The following PPP4R3B variants were observed in gnomAD, a reference collection of about 807,000 sequenced individuals.
PPP4R3B encodes serine/threonine-protein phosphatase 4 regulatory subunit 3B.
Under a neutral mutation model 95.4 loss-of-function variants are expected in PPP4R3B, and 52 were observed. The ratio of observed to expected loss-of-function variants is 0.54; its 90% CI spans 0.44 to 0.69. The LOEUF (loss-of-function observed/expected upper bound fraction) is 0.69. PPP4R3B is among the 30% of genes least tolerant of loss of function. PPP4R3B has a pLI of 0.00. For missense variants in PPP4R3B, 1,003 were observed against 1,005.9 expected (o/e 1.00, Z 0.04); for synonymous variants, 407 against 343.9 (o/e 1.18, Z -2.03).
At chr2:55,608,545 T>G (rs1205552786) in intron 2 of PPP4R3B, among the ~76,000 whole-genome samples, 1 of 152,162 alleles carries the variant, frequency 6.6e-6, no homozygotes, top group Non-Finnish European at 1.5e-5. Context: ...CTCAATCCAA[T>G]CCAACATTAT....
chr2:55,613,522 A>G (rs1179796756), intron 2 of PPP4R3B, among the ~76,000 whole-genome samples: 3 of 152,160 alleles, frequency 2.0e-5, no homozygotes, highest in African/African-American at 7.2e-5. Flanking sequence ...ATCTAGAACT[A>G]ATTTTCTAGT....
At chr2:55,609,187 A>G (rs568934879) in intron 2 of PPP4R3B, among the ~76,000 whole-genome samples, 1 of 151,260 alleles carries the variant, frequency 6.6e-6, no homozygotes, top group East Asian at 1.9e-4. Flanking sequence ...TTTTTTTTTT[A>G]AAAGGCTGGA....
rs1228046928 is a variant in PPP4R3B at position 55,549,939 on chromosome 2, G to A, written c.2522C>T (p.Pro841Leu). 2 of 1,613,366 alleles carry A rather than the reference G, an allele frequency of 1.2e-6. No homozygotes were observed. Among genetic ancestry groups the A allele is most frequent in the East Asian group, 4.5e-5 (2 of 44,822 alleles). Residue 841 changes from proline to leucine, a missense_variant, in exon 17 of 17, where the codon CCC becomes CTC. Transcript: ENST00000616407. ...TGAGCCAAGACGAGGTCTTTTCCTGGGGGACGATTCTTCTTCTTCATCTTC... is the reference window on the plus strand; with the variant it reads ...TGAGCCAAGACGAGGTCTTTTCCTGAGGGACGATTCTTCTTCTTCATCTTC... ...EEEDEEEESSPRKRPRLGS is the reference protein window; with the variant it reads ...EEEDEEEESSLRKRPRLGS
At chr2:55,583,204 CAGTAT>C (rs1243009952) in intron 7 of PPP4R3B, among the ~76,000 whole-genome samples, 1 of 152,006 alleles carries the variant, frequency 6.6e-6, no homozygotes, top group Non-Finnish European at 1.5e-5. Context: ...ACCACCAGCC[CAGTAT>C]GGAATTCAGC....
chr2:55,615,857 C>CAAAAAAAAAAAAA lies in PPP4R3B; in HGVS notation c.143-364_143-352dup, dbSNP rs58981030. ...TGGCAACAGAGCAAGACTCTGTCTC[C>CAAAAAAAAAAAAA]AAAAAAAAAAAAAAAAAAAAAAAAA... On this transcript the variant is annotated intron_variant, in intron 1 of 16. Coordinates refer to ENST00000616407, the MANE Select transcript of PPP4R3B (RefSeq NM_001122964.3). 1.8e-4 allele frequency among the ~76,000 whole-genome samples: 7 copies of CAAAAAAAAAAAAA among 39,064 alleles called. 1 individual carries two copies. The highest frequency in any genetic ancestry group is 1.3e-3 in the African/African-American group (7 of 5,530). 25.6% of individuals were successfully genotyped at this position (39,064 alleles called of 152,430 possible). A position where few individuals can be genotyped will look rare whatever the true frequency, so the allele number is the denominator to read the frequency against.
chr2:55,574,795 C>G (rs941135268), intron 11 of PPP4R3B, among the ~76,000 whole-genome samples: 1 of 151,376 alleles, frequency 6.6e-6, no homozygotes, highest in Admixed American at 6.6e-5. Context: ...GAGGTTTCAC[C>G]GTGTTAGCCA....
chr2:55,578,697 T>C (rs1272116494), intron 9 of PPP4R3B, among the ~76,000 whole-genome samples: 1 of 152,060 alleles, frequency 6.6e-6, no homozygotes, highest in East Asian at 1.9e-4. Context: ...TGCACAAACA[T>C]TCCCTAGAGT....
intron 16 of PPP4R3B, among the ~76,000 whole-genome samples, chr2:55,553,660 C>T (rs943563971): frequency 1.3e-5 from 2 of 152,014 alleles, no homozygotes; most frequent in African/African-American, 4.8e-5. Context: ...TTTGTTTCTG[C>T]GGATTTGCTT....
In PPP4R3B at chr2:55,549,663, C is replaced by A; in HGVS notation, c.*248G>T. 1 of 429,380 alleles carries A rather than the reference C, an allele frequency of 2.3e-6. No individual in the cohort carries two copies. The highest frequency in any genetic ancestry group is 2.1e-5 in the African/African-American group (1 of 47,944). The allele number at this position is 429,380 out of a possible 1,614,324, so 26.6% of individuals were successfully genotyped here. ...TTTTCCTTGCTGAGAAGCTGTCTCC[C>A]AGGTTCTGGTTACTAATGTTTGTTT... On this transcript the variant is annotated 3_prime_UTR_variant, in exon 17 of 17. Transcript: ENST00000616407.
At chr2:55,573,843 T>A in intron 11 of PPP4R3B, 66 bp from the exon 12 acceptor site, 1 of 1,060,636 alleles carries the variant, frequency 9.4e-7, no homozygotes, top group Non-Finnish European at 1.3e-6. Flanking sequence ...TAAATAAAGC[T>A]TACATCCTAT....
At position 55,617,586 on chromosome 2, in the gene PPP4R3B, G is replaced by C. The variant is rs919115244; in HGVS notation, c.-301C>G. On this transcript the variant is annotated 5_prime_UTR_variant, in exon 1 of 17. Transcript: ENST00000616407. ...CCGCCGCGGTAACTACTACAGATCC[G>C]CCATCTTGTAACCCGACTCTCTCTG... is the stretch of plus-strand genomic sequence containing the variant. 6.9e-6 allele frequency: 2 copies of C among 290,298 alleles called. No homozygotes were observed. The highest frequency in any genetic ancestry group is 2.2e-5 in the African/African-American group (1 of 46,094). The allele number at this position is 290,298 out of a possible 1,614,324, so 18.0% of individuals were successfully genotyped here.
chr2:55,569,810 C>T (rs1345471507), intron 12 of PPP4R3B, among the ~76,000 whole-genome samples: 2 of 152,142 alleles, frequency 1.3e-5, no homozygotes, highest in African/African-American at 4.8e-5. Flanking sequence ...ATCTCTTTGT[C>T]TTGTGTCTTT....
At chr2:55,592,479 A>T (rs1347436925) in intron 4 of PPP4R3B, among the ~76,000 whole-genome samples, 1 of 152,202 alleles carries the variant, frequency 6.6e-6, no homozygotes, top group African/African-American at 2.4e-5. Context: ...TTGAATCCAA[A>T]GAAAAATCCT....
intron 3 of PPP4R3B, among the ~76,000 whole-genome samples, chr2:55,603,562 A>G (rs1692955212): frequency 6.6e-6 from 1 of 152,234 alleles, no homozygotes; most frequent in Non-Finnish European, 1.5e-5. Context: ...GCTACACTCT[A>G]AGTTCCACAT....
At position 55,579,760 on chromosome 2, in the gene PPP4R3B, G is replaced by A; in HGVS notation, c.1387C>T (p.Leu463=). 6.2e-7 allele frequency: 1 copy of A among 1,605,004 alleles called. No individual in the cohort carries two copies. Among genetic ancestry groups the A allele is most frequent in the South Asian group, 1.1e-5 (1 of 89,244 alleles). ...ATACAATGGTTGTAGAAAAAATTTA[G>A]AAATTCACTTTTTTCGGTTTTCTGA... ...TTNKTEKSEF[L]NFFYNHCMHV... Residue 463 remains leucine, a synonymous_variant, in exon 9 of 17, where the codon CTA becomes TTA. Transcript: ENST00000616407.
At chr2:55,614,368 T>A (rs1694610600) in intron 2 of PPP4R3B, 1 of 152,166 alleles carries the variant, frequency 6.6e-6, no homozygotes, top group South Asian at 2.1e-4. Flanking sequence ...AATTCAAATG[T>A]ATAACAACAA....
chr2:55,593,916 G>T (rs1472573765), intron 4 of PPP4R3B, among the ~76,000 whole-genome samples: 1 of 152,094 alleles, frequency 6.6e-6, no homozygotes, highest in Non-Finnish European at 1.5e-5. Context: ...CCACCTAAGT[G>T]TCTACCAACA....
Position 55,578,268 on chromosome 2 carries a change from G to C in PPP4R3B, c.1543C>G (p.Pro515Ala). The C allele has an allele frequency of 6.8e-7, 1 of 1,475,888 alleles. No individual in the cohort carries two copies. Among genetic ancestry groups the C allele is most frequent in the Non-Finnish European group, 9.0e-7 (1 of 1,110,294 alleles). 91.4% of individuals were successfully genotyped at this position (1,475,888 alleles called of 1,614,324 possible). The change falls in exon 10 of 17, where the codon CCC becomes GCC. Residue 515 changes from proline to alanine, a missense_variant. This residue lies in a region of PPP4R3B where 695 missense variants were observed against 686.2 expected (regional missense o/e 1.01). Coordinates refer to ENST00000616407, the MANE Select transcript of PPP4R3B (RefSeq NM_001122964.3). ...TPSHSHSHST[P>A]SSSISQDNIV... ...ATACCTTGAGAGATGGAGGAAGAGG[G>C]GGTAGAATGGGAATGGGAATGTGAA...
intron 11 of PPP4R3B, among the ~76,000 whole-genome samples, chr2:55,575,690 G>A (rs899416152): frequency 4.0e-5 from 6 of 151,872 alleles, no homozygotes; most frequent in Non-Finnish European, 8.8e-5. Context: ...CTCCTGCCTC[G>A]GCCTCCCAAA....
Sources: allele counts gnomAD v4.1 joint callset (sites outside exome capture counted in the v4.1 genomes callset), GRCh38; gene constraint gnomAD v4.1.1; regional missense constraint gnomAD v4.1.1; transcripts MANE v1.5; gene names NCBI Gene and HGNC (gene_info 2026-07-23, HGNC 2026-07-21).